The following DCTN1 variants were observed in gnomAD, a reference collection of about 807,000 sequenced individuals.
DCTN1 encodes the protein 150 kDa dynein-associated polypeptide.
DCTN1 carries 61 observed loss-of-function variants against 161.2 expected under a neutral mutation model. The observed-to-expected ratio is 0.38, with a 90% CI of 0.31 to 0.47. The LOEUF is 0.47. DCTN1 is among the 20% of genes least tolerant of loss of function. DCTN1 has a pLI of 0.99. For synonymous variants in DCTN1, 653 were observed against 632.4 expected (o/e 1.03, Z -0.49); for missense variants, 1,404 against 1,623.7 (o/e 0.86, Z 2.33).
chr2:74,368,599 C>A, intron 16 of DCTN1, 129 bp downstream of exon 16: 1 of 1,254,986 alleles, frequency 8.0e-7, no homozygotes, highest in Non-Finnish European at 1.1e-6. Flanking sequence ...GGTGACTTTG[C>A]TGTGTTCCTC....
intron 26 of DCTN1, 160 bp from the exon 27 acceptor site, chr2:74,363,788 T>A: frequency 3.2e-6 from 3 of 951,848 alleles, no homozygotes; most frequent in Non-Finnish European, 3.3e-6. Flanking sequence ...CTGCCACCTA[T>A]CTTTGGGGAC....
Position 74,377,680 on chromosome 2 carries a change from G to C in DCTN1, c.326C>G (p.Pro109Arg). The C allele has an allele frequency of 6.2e-7, 1 of 1,614,140 alleles. No homozygotes were observed. Among genetic ancestry groups the C allele is most frequent in the Non-Finnish European group, 8.5e-7 (1 of 1,179,988 alleles). The change falls in exon 3 of 32, where the codon CCT becomes CGT. Residue 109 changes from proline (P) to arginine (R), a missense_variant. Physicochemically the swap from Pro to Arg is moderately radical, Grantham distance 103 (BLOSUM62 -2). Around this residue, in one of 9 missense-constraint regions of DCTN1, gnomAD observed 174 missense variants for 175.6 expected, o/e 0.99. Transcript: ENST00000628224. ...GAGGACTTTTGAAGCAGAAGAATCA[G>C]GTGTCTCTGGGGAAGTAGTATCTGC... Reference protein sequence around the residue: ...DGADTTSPETPDSSASKVLKR... With the variant: ...DGADTTSPETRDSSASKVLKR...
At chr2:74,362,239 C>A in intron 30 of DCTN1, 98 bp from the exon 31 acceptor site, 1 of 1,076,612 alleles carries the variant, frequency 9.3e-7, no homozygotes, top group Non-Finnish European at 1.4e-6. Flanking sequence ...ACCAGGGGGG[C>A]AGGGACTTAG....
In DCTN1 at chr2:74,369,781, G is replaced by A. The variant is rs200133861; in HGVS notation, c.1392+184C>T. On this transcript the variant is annotated intron_variant, in intron 13 of 31. Transcript: ENST00000628224. The surrounding 1 kb of genome is among the most constrained non-coding windows in gnomAD (Gnocchi z 4.9). ...TGAGCCGAGATTATTGCGCCACTGC[G>A]CTCCAGCCTGGCAACAGAGCGAGAT... 5.5e-5 allele frequency among the ~76,000 whole-genome samples: 8 copies of A among 145,340 alleles called. No homozygotes were observed. Among genetic ancestry groups the A allele is most frequent in the Non-Finnish European group, 1.2e-4 (8 of 67,132 alleles).
rs1346998016 is a variant in DCTN1 at position 74,378,265 on chromosome 2, A to G, written c.34-20T>C. The stretch of plus-strand genomic sequence containing the variant: ...GGGCGTCTGAAAGACACAGGTAAAC[A>G]CAGACAGTTAGAGGCCTCAGATCAA... On this transcript the variant is annotated intron_variant, in intron 1 of 31. Transcript: ENST00000628224. 34 of 1,602,472 alleles carry G rather than the reference A, an allele frequency of 2.1e-5. No individual in the cohort carries two copies. Among genetic ancestry groups the G allele is most frequent in the Non-Finnish European group, 2.8e-5 (33 of 1,179,976 alleles).
Position 74,361,643 on chromosome 2 carries a change from G to C in DCTN1, c.3700-7C>G. On this transcript the variant is annotated splice_polypyrimidine_tract_variant and splice_region_variant and intron_variant, in intron 31 of 31. Coordinates refer to ENST00000628224, the MANE Select transcript of DCTN1 (RefSeq NM_004082.5). ...CCTGCTGCTCCTCCTTGGCCTGGTG[G>C]TTGATGAGGAGAAAAAGACTCCAGG... The C allele has an allele frequency of 1.2e-6, 2 of 1,614,138 alleles. No homozygotes were observed. Among genetic ancestry groups the C allele is most frequent in the Non-Finnish European group, 1.7e-6 (2 of 1,180,014 alleles).
At chr2:74,389,903 C>T (rs1021698953) in intron 1 of DCTN1, among the ~76,000 whole-genome samples, 1 of 152,188 alleles carries the variant, frequency 6.6e-6, no homozygotes, top group Non-Finnish European at 1.5e-5. Context: ...GTCTCCCCCT[C>T]CTTCCCTAGT....
At chr2:74,391,359 GC>G (rs1455270687) in intron 1 of DCTN1, 1 of 192,620 alleles carries the variant, frequency 5.2e-6, no homozygotes, top group Non-Finnish European at 1.1e-5. Flanking sequence ...CATCTTGCCA[GC>G]TAAGGCGGAC....
intron 23 of DCTN1, 72 bp from the exon 24 acceptor site, chr2:74,366,090 GA>G: frequency 6.2e-7 from 1 of 1,613,174 alleles, no homozygotes; most frequent in Non-Finnish European, 8.5e-7. Context: ...TCCTTACAGA[GA>G]GATCCAGTTA....
intron 5 of DCTN1, chr2:74,374,607 C>T (rs1370353360): frequency 9.5e-6 from 12 of 1,260,258 alleles, no homozygotes; most frequent in East Asian, 4.2e-5. Context: ...CGCCAGGCTC[C>T]GGCAGGCACC....
intron 29 of DCTN1, 107 bp from the exon 30 acceptor site, chr2:74,362,836 T>TGA (rs1674114655): frequency 7.7e-7 from 1 of 1,297,250 alleles, no homozygotes. Context: ...AACAAGTACT[T>TGA]GAGAGAGAGT....
intron 4 of DCTN1, among the ~76,000 whole-genome samples, chr2:74,377,055 G>A (rs1465659241): frequency 1.3e-5 from 2 of 152,190 alleles, no homozygotes; most frequent in Non-Finnish European, 2.9e-5. Context: ...CCATTCACTT[G>A]TGAATAGGAG....
intron 1 of DCTN1, chr2:74,385,776 G>A (rs933735942): frequency 6.6e-6 from 1 of 152,104 alleles, no homozygotes; most frequent in Non-Finnish European, 1.5e-5. Context: ...TTCCATCCAC[G>A]CCATCCCATC....
At position 74,362,131 on chromosome 2, in the gene DCTN1, A is replaced by C; in HGVS notation, c.3620T>G (p.Leu1207Arg). The C allele has an allele frequency of 6.2e-7, 1 of 1,613,764 alleles. No homozygotes were observed. The highest frequency in any genetic ancestry group is 8.5e-7 in the Non-Finnish European group (1 of 1,179,746). ...AGGGCGCTGAGATACTGTCTCCTTG[A>C]GGACCTCATCCTAGGGAAGGGGAGA... ...DTVEKLKDEV[L>R]KETVSQRPGA... The change falls in exon 31 of 32, where the codon CTC (leucine) becomes CGC (arginine). Residue 1207 changes from leucine (L) to arginine (R), a missense_variant. This residue lies in a region of DCTN1 where 311 missense variants were observed against 298.9 expected (regional missense o/e 1.04). Coordinates refer to ENST00000628224, the MANE Select transcript of DCTN1 (RefSeq NM_004082.5).
In DCTN1 at chr2:74,366,918, A is replaced by T; in HGVS notation, c.2331T>A (p.Ala777=). 1 of 1,614,220 alleles carries T rather than the reference A, an allele frequency of 6.2e-7. No homozygotes were observed. Among genetic ancestry groups the T allele is most frequent in the Non-Finnish European group, 8.5e-7 (1 of 1,180,040 alleles). The change falls in exon 21 of 32, where the codon GCT becomes GCA. Residue 777 remains alanine, a synonymous_variant. Coordinates refer to ENST00000628224, the MANE Select transcript of DCTN1 (RefSeq NM_004082.5). The stretch of plus-strand genomic sequence containing the variant: ...CCCGGAGCAGGAGGGCAATATCTGT[A>T]GCCTCCTGCCCACCCTACTCAGGAA... ...LRAFLQGGQE[A]TDIALLLRDL...
rs1674684616 is a variant in DCTN1, at chr2:74,369,633, T to C, written c.1393-142A>G. ...ATCGAGATCATGCTGGCCAACATGG[T>C]GAAACCCCATCTCTACTAAAAATAC... On this transcript the variant is annotated intron_variant, in intron 13 of 31. Coordinates refer to ENST00000628224, the MANE Select transcript of DCTN1 (RefSeq NM_004082.5). The surrounding 1 kb of genome is among the most constrained non-coding windows in gnomAD (Gnocchi z 4.9). 4 of 897,570 alleles carry C rather than the reference T, an allele frequency of 4.5e-6. No individual in the cohort carries two copies. The highest frequency in any genetic ancestry group is 4.0e-5 in the South Asian group (3 of 74,790). The allele number at this position is 897,570 out of a possible 1,614,324, so 55.6% of individuals were successfully genotyped here. A position where few individuals can be genotyped will look rare whatever the true frequency, so the allele number is the denominator to read the frequency against.
rs558439390 is a variant in DCTN1, at chr2:74,378,310, A to C, written c.34-65T>G. On this transcript the variant is annotated intron_variant, in intron 1 of 31. Coordinates refer to ENST00000628224, the MANE Select transcript of DCTN1 (RefSeq NM_004082.5). ...GATCAAAGGTGGCATTCTTATGTATAAGAAATGCCTCAGCCAAGATGCTGG... is the reference window on the plus strand; with the variant it reads ...GATCAAAGGTGGCATTCTTATGTATCAGAAATGCCTCAGCCAAGATGCTGG... 45 of 1,584,404 alleles carry C rather than the reference A, an allele frequency of 2.8e-5. 1 individual carries two copies. In the South Asian group the frequency reaches 4.9e-4, roughly 17 times the overall value.
intron 26 of DCTN1, chr2:74,364,839 T>C: frequency 1.8e-6 from 1 of 570,282 alleles, no homozygotes; most frequent in Non-Finnish European, 3.2e-6. Flanking sequence ...ACTGTCATCA[T>C]TATTCTGAGC....
intron 1 of DCTN1, among the ~76,000 whole-genome samples, chr2:74,389,989 G>A (rs1381857024): frequency 6.6e-6 from 1 of 151,936 alleles, no homozygotes; most frequent in African/African-American, 2.4e-5. Flanking sequence ...CCATCTGCCC[G>A]ACATCTTTCA....
Sources: allele counts gnomAD v4.1 joint callset (sites outside exome capture counted in the v4.1 genomes callset), GRCh38; gene constraint gnomAD v4.1.1; regional missense constraint gnomAD v4.1.1; non-coding constraint Gnocchi (gnomAD v3.1); transcripts MANE v1.5; gene names NCBI Gene and HGNC (gene_info 2026-07-23, HGNC 2026-07-21).